CLEC16A: variants seen among roughly 807,000 people sequenced by gnomAD.
The protein encoded by CLEC16A is C-type lectin domain containing 16A.
Under a neutral mutation model 109.5 loss-of-function variants are expected in CLEC16A, and 51 were observed. The observed-to-expected ratio is 0.47, with a 90% CI of 0.37 to 0.59. The LOEUF is 0.59. Among genes scored for constraint, CLEC16A ranks in the 20% least tolerant of loss-of-function variants. The pLI is 0.00. For synonymous variants in CLEC16A, 673 were observed against 564.2 expected (o/e 1.19, Z -2.73); for missense variants, 1,339 against 1,394.0 (o/e 0.96, Z 0.63).
rs938514830 is a variant in CLEC16A, at chr16:10,989,986, T to C, written c.1071+6995T>C. ...GCCAGGATTAGAGTTCCTGAGTCTT[T>C]TAGTGACCCTGACTGTACTCATGAT... On this transcript the variant is annotated intron_variant, in intron 10 of 23. Coordinates refer to ENST00000409790, the MANE Select transcript of CLEC16A (RefSeq NM_015226.3). Among the ~76,000 whole-genome samples, 4 of 152,324 alleles carry C rather than the reference T, an allele frequency of 2.6e-5. No homozygotes were observed. The East Asian group carries it at 5.8e-4, about 22-fold the overall frequency.
At chr16:10,966,760 C>T (rs2042529363) in intron 3 of CLEC16A, among the ~76,000 whole-genome samples, 2 of 152,288 alleles carry the variant, frequency 1.3e-5, no homozygotes, top group South Asian at 4.1e-4. Context: ...TGAGAACTCA[C>T]TATCACGAGA....
intron 13 of CLEC16A, among the ~76,000 whole-genome samples, chr16:11,033,802 GGGTTGACC>G (rs1293079170): frequency 6.6e-6 from 1 of 152,218 alleles, no homozygotes; most frequent in Non-Finnish European, 1.5e-5. Flanking sequence ...ACAGTGGAAA[GGGTTGACC>G]GGTTGGCGGA....
At chr16:10,993,240 G>A (rs2044138439) in intron 10 of CLEC16A, among the ~76,000 whole-genome samples, 1 of 152,118 alleles carries the variant, frequency 6.6e-6, no homozygotes, top group Admixed American at 6.5e-5. Flanking sequence ...TTAACCGGGC[G>A]TGATGATGCG....
intron 19 of CLEC16A, among the ~76,000 whole-genome samples, chr16:11,068,358 A>G (rs2048878076): frequency 6.6e-6 from 1 of 152,232 alleles, no homozygotes; most frequent in Non-Finnish European, 1.5e-5. Flanking sequence ...TTTTAAAATC[A>G]GGATATTTTA....
At chr16:11,176,457 G>A (rs1460782803) in intron 23 of CLEC16A, among the ~76,000 whole-genome samples, 2 of 151,900 alleles carry the variant, frequency 1.3e-5, no homozygotes, top group African/African-American at 4.8e-5. Flanking sequence ...AATTGGGCTG[G>A]GCACGGTGGT....
chr16:11,005,595 C>T (rs2044952287), intron 11 of CLEC16A, among the ~76,000 whole-genome samples: 1 of 152,202 alleles, frequency 6.6e-6, no homozygotes, highest in Non-Finnish European at 1.5e-5. Flanking sequence ...CTTTCATAGA[C>T]CGGTCCTGCC....
chr16:11,078,767 G>C (rs557146250), intron 19 of CLEC16A, among the ~76,000 whole-genome samples: 38 of 152,312 alleles, frequency 2.5e-4, no homozygotes, highest in African/African-American at 8.2e-4. Context: ...GGGCGCTCAA[G>C]GGATAGGCAG....
chr16:11,074,092 G>A (rs544133841), intron 19 of CLEC16A, among the ~76,000 whole-genome samples: 3 of 152,274 alleles, frequency 2.0e-5, no homozygotes, highest in Non-Finnish European at 2.9e-5. Context: ...TGATTTCAAC[G>A]TTTGAGCTAC....
intron 19 of CLEC16A, among the ~76,000 whole-genome samples, chr16:11,089,049 G>C (rs189219564): frequency 2.6e-5 from 4 of 152,110 alleles, no homozygotes; most frequent in East Asian, 1.9e-4. Flanking sequence ...GTTCAGGGGA[G>C]GGGGAGGGTG....
At chr16:10,977,471 G>A (rs1199301868) in intron 8 of CLEC16A, 72 bp downstream of exon 8, 3 of 1,366,884 alleles carry the variant, frequency 2.2e-6, no homozygotes, top group East Asian at 4.9e-5. Context: ...CCAGTCCCCT[G>A]GAATGGGGCT....
intron 10 of CLEC16A, among the ~76,000 whole-genome samples, chr16:10,992,713 G>GT (rs2044100172): frequency 6.6e-6 from 1 of 151,938 alleles, no homozygotes; most frequent in Non-Finnish European, 1.5e-5. Context: ...TCGAGTAATT[G>GT]TTGAGCCCCT....
chr16:11,102,421 A>G (rs2050973171), intron 19 of CLEC16A, among the ~76,000 whole-genome samples: 1 of 152,236 alleles, frequency 6.6e-6, no homozygotes, highest in African/African-American at 2.4e-5. Context: ...GAGGTCTCCT[A>G]TATTTTACTG....
At chr16:10,999,424 T>C (rs1223581064) in intron 10 of CLEC16A, among the ~76,000 whole-genome samples, 2 of 152,204 alleles carry the variant, frequency 1.3e-5, no homozygotes, top group Non-Finnish European at 1.5e-5. Context: ...CGTATAGCCT[T>C]TGAAAAGCTT....
chr16:11,089,928 C>T (rs781430425), intron 19 of CLEC16A, among the ~76,000 whole-genome samples: 4 of 152,224 alleles, frequency 2.6e-5, no homozygotes, highest in Middle Eastern at 3.2e-3. Flanking sequence ...AGGCTTCCAG[C>T]GGTTGGAATT....
chr16:11,110,394 G>A (rs2051503963), intron 19 of CLEC16A, among the ~76,000 whole-genome samples: 2 of 152,314 alleles, frequency 1.3e-5, no homozygotes, highest in South Asian at 2.1e-4. Flanking sequence ...TGGGGGAGCA[G>A]CCAGGGATGA....
intron 13 of CLEC16A, among the ~76,000 whole-genome samples, chr16:11,031,102 T>C: frequency 6.6e-6 from 1 of 152,212 alleles, no homozygotes; most frequent in East Asian, 1.9e-4. Flanking sequence ...TCTGGACTGC[T>C]AGGCCTTGGA....
chr16:11,163,003 G>A (rs2054778816), intron 22 of CLEC16A, among the ~76,000 whole-genome samples: 1 of 152,194 alleles, frequency 6.6e-6, no homozygotes, highest in Non-Finnish European at 1.5e-5. Flanking sequence ...GAGGATCTCA[G>A]GGAGGCCGGT....
intron 4 of CLEC16A, among the ~76,000 whole-genome samples, chr16:10,970,367 G>A (rs2042721241): frequency 6.6e-6 from 1 of 152,154 alleles, no homozygotes; most frequent in South Asian, 2.1e-4. Flanking sequence ...ATCCCACTGA[G>A]TACTTCTTAG....
In CLEC16A at chr16:10,964,066, C is replaced by T. The variant is rs79712917; in HGVS notation, c.343+1478C>T. 6.6e-5 allele frequency among the ~76,000 whole-genome samples: 10 copies of T among 152,368 alleles called. 1 individual carries two copies. In the South Asian group the frequency reaches 1.4e-3, roughly 22 times the overall value. ...AGTGGCCAAATGTCTATATCAGAGG[C>T]AGGCTCTAAGTCCCCAGGACAGGTC... On this transcript the variant is annotated intron_variant, in intron 3 of 23. Coordinates refer to ENST00000409790, the MANE Select transcript of CLEC16A (RefSeq NM_015226.3).
Sources: gnomAD v4.1 joint callset for allele counts (sites outside exome capture counted in the v4.1 genomes callset) on GRCh38, gnomAD v4.1.1 for gene constraint, MANE v1.5 for transcripts, NCBI Gene and HGNC (gene_info 2026-07-23, HGNC 2026-07-21) for gene names.